CNBD1: variants seen among roughly 807,000 people sequenced by gnomAD.
CNBD1 encodes cyclic nucleotide binding domain containing 1, also known as cyclic nucleotide-binding domain-containing protein 1.
CNBD1 carries 71 observed loss-of-function variants against 54.4 expected under a neutral mutation model. The ratio of observed to expected loss-of-function variants is 1.30; its 90% CI spans 1.08 to 1.59. The LOEUF is 1.59. Ranked by LOEUF, CNBD1 falls within the 40% of genes most tolerant of loss-of-function variation. The pLI, the probability that CNBD1 is intolerant of heterozygous loss-of-function variation, is 0.00. For synonymous variants in CNBD1, 182 were observed against 170.7 expected (o/e 1.07, Z -0.51); for missense variants, 659 against 518.0 (o/e 1.27, Z -2.64).
At chr8:87,361,903 A>C (rs2130937354) in intron 10 of CNBD1, among the ~76,000 whole-genome samples, 1 of 152,116 alleles carries the variant, frequency 6.6e-6, no homozygotes, top group Middle Eastern at 3.4e-3. Flanking sequence ...TAAATGAATC[A>C]GTTTTATATT....
chr8:87,154,918 TG>T, intron 4 of CNBD1, among the ~76,000 whole-genome samples: 1 of 152,134 alleles, frequency 6.6e-6, no homozygotes, highest in African/African-American at 2.4e-5. Flanking sequence ...AATGGGGTTG[TG>T]GGGAGTGATT....
chr8:87,052,596 T>C (rs558172902), intron 4 of CNBD1, among the ~76,000 whole-genome samples: 1 of 152,336 alleles, frequency 6.6e-6, no homozygotes, highest in African/African-American at 2.4e-5. Flanking sequence ...GAGTTTCTTG[T>C]TCCTGTTATT....
At chr8:86,930,403 C>T (rs1809437088) in intron 3 of CNBD1, among the ~76,000 whole-genome samples, 1 of 152,146 alleles carries the variant, frequency 6.6e-6, no homozygotes, top group Non-Finnish European at 1.5e-5. Flanking sequence ...AAAAGTAATT[C>T]ATCCACATAC....
chr8:86,996,735 A>G (rs953192426), intron 4 of CNBD1, among the ~76,000 whole-genome samples: 3 of 152,208 alleles, frequency 2.0e-5, no homozygotes, highest in Non-Finnish European at 4.4e-5. Flanking sequence ...AGTTTAAACA[A>G]CTATGTATTT....
intron 4 of CNBD1, among the ~76,000 whole-genome samples, chr8:86,972,690 T>A (rs528062536): frequency 3.4e-4 from 52 of 152,314 alleles, no homozygotes; most frequent in African/African-American, 1.2e-3. Context: ...ACAAACTGCA[T>A]CAGCTGTACT....
At chr8:87,093,217 G>A (rs1163594299) in intron 4 of CNBD1, among the ~76,000 whole-genome samples, 2 of 152,284 alleles carry the variant, frequency 1.3e-5, no homozygotes, top group East Asian at 3.9e-4. Context: ...TCCATTCGTG[G>A]GAAACTTGGG....
rs1809161283 is a variant in CNBD1 at position 87,009,038 on chromosome 8, T to C, written c.431+69284T>C. The stretch of plus-strand genomic sequence containing the variant: ...TTTATTTGAACTACCATTATTGTTC[T>C]TTTTTACTTTACCATTTTCTTGGTT... On this transcript the variant is annotated intron_variant, in intron 4 of 10. Coordinates refer to ENST00000518476, the MANE Select transcript of CNBD1 (RefSeq NM_173538.3). Among the ~76,000 whole-genome samples, 5 of 151,992 alleles carry C rather than the reference T, an allele frequency of 3.3e-5. No individual in the cohort carries two copies. The South Asian group carries it at 1.0e-3, about 32-fold the overall frequency.
At chr8:86,955,562 T>C (rs1807744409) in intron 4 of CNBD1, among the ~76,000 whole-genome samples, 1 of 152,226 alleles carries the variant, frequency 6.6e-6, no homozygotes, top group Non-Finnish European at 1.5e-5. Context: ...GTGGTTTTGA[T>C]TTGCATTTCT....
intron 4 of CNBD1, among the ~76,000 whole-genome samples, chr8:86,976,126 G>A (rs1053043870): frequency 2.0e-5 from 3 of 146,626 alleles, no homozygotes; most frequent in Admixed American, 6.8e-5. Context: ...TTGAATATTA[G>A]CACCTTACCT....
At chr8:87,375,316 T>A (rs753826067) in intron 10 of CNBD1, among the ~76,000 whole-genome samples, 3 of 152,008 alleles carry the variant, frequency 2.0e-5, no homozygotes, top group Non-Finnish European at 4.4e-5. Flanking sequence ...GTGTGCTGTC[T>A]GTTAACACAG....
chr8:87,105,900 T>C (rs1811524741), intron 4 of CNBD1, among the ~76,000 whole-genome samples: 1 of 152,120 alleles, frequency 6.6e-6, no homozygotes, highest in African/African-American at 2.4e-5. Context: ...ATTTTTGTCA[T>C]TTGGGGATTT....
rs1212667153 is a variant in CNBD1 at position 87,256,015 on chromosome 8, A to ATTTTT, written c.771+18924_771+18928dup. Among the ~76,000 whole-genome samples the ATTTTT allele has an allele frequency of 8.9e-4, 14 of 15,780 alleles. 3 individuals carry two copies. The highest frequency in any genetic ancestry group is 2.2e-3 in the African/African-American group (8 of 3,582). The allele number at this position is 15,780 out of a possible 152,430, so 10.4% of individuals were successfully genotyped here. ...TATATATATATATATATATATATAT[A>ATTTTT]TTTTTTTTTTTTTTTTTTTTTTTTT... On this transcript the variant is annotated intron_variant, in intron 6 of 10. Transcript: ENST00000518476.
intron 8 of CNBD1, among the ~76,000 whole-genome samples, chr8:87,290,239 A>G (rs1005281064): frequency 1.3e-5 from 2 of 151,998 alleles, no homozygotes; most frequent in Non-Finnish European, 2.9e-5. Context: ...TTATGTCTCA[A>G]AAACAAAGAA....
rs570312143 is a variant in CNBD1 at position 87,016,749 on chromosome 8, T to A, written c.431+76995T>A. On this transcript the variant is annotated intron_variant, in intron 4 of 10. Coordinates refer to ENST00000518476, the MANE Select transcript of CNBD1 (RefSeq NM_173538.3). ...CAGCTCATTAGTGAACAATCACTGA[T>A]GCACAGGAAGCTATTCCTAAAAAAG... 2.0e-5 allele frequency among the ~76,000 whole-genome samples: 3 copies of A among 152,306 alleles called. No individual in the cohort carries two copies. In the South Asian group the frequency reaches 6.2e-4, roughly 32 times the overall value.
chr8:87,295,413 TG>T (rs1489576607), intron 8 of CNBD1, among the ~76,000 whole-genome samples: 5 of 151,690 alleles, frequency 3.3e-5, no homozygotes, highest in African/African-American at 1.2e-4. Context: ...GTTAAAGTAC[TG>T]CTTATTTAAA....
rs1485069360 is a variant in CNBD1 at position 87,325,444 on chromosome 8, C to T, written c.1043-26241C>T. On this transcript the variant is annotated intron_variant, in intron 8 of 10. Coordinates refer to ENST00000518476, the MANE Select transcript of CNBD1 (RefSeq NM_173538.3). ...TATTAATGTGTGGGAGTCTAAGTCT[C>T]TTTGTAGGTCACTCAGGACTTGCTT... Among the ~76,000 whole-genome samples, 3 of 88,624 alleles carry T rather than the reference C, an allele frequency of 3.4e-5. No homozygotes were observed. In the East Asian group the frequency reaches 6.9e-4, roughly 20 times the overall value. The allele number at this position is 88,624 out of a possible 152,430, so 58.1% of individuals were successfully genotyped here.
intron 4 of CNBD1, among the ~76,000 whole-genome samples, chr8:87,194,460 A>G (rs559996178): frequency 7.9e-5 from 12 of 152,146 alleles, no homozygotes; most frequent in Admixed American, 2.0e-4. Context: ...GGTATTTTGG[A>G]TATATTCTTA....
intron 2 of CNBD1, among the ~76,000 whole-genome samples, chr8:86,896,076 T>A (rs1808843495): frequency 6.6e-6 from 1 of 152,138 alleles, no homozygotes; most frequent in African/African-American, 2.4e-5. Flanking sequence ...TTTATTTTTG[T>A]GTATGGCATA....
chr8:87,059,652 A>T (rs1245103424), intron 4 of CNBD1, among the ~76,000 whole-genome samples: 1 of 152,202 alleles, frequency 6.6e-6, no homozygotes, highest in Non-Finnish European at 1.5e-5. Context: ...GTGAGAACTC[A>T]CTCACTATCA....
Sources: gnomAD v4.1 joint callset for allele counts (sites outside exome capture counted in the v4.1 genomes callset) on GRCh38, gnomAD v4.1.1 for gene constraint, MANE v1.5 for transcripts, NCBI Gene and HGNC (gene_info 2026-07-23, HGNC 2026-07-21) for gene names.